RABGAP1: variants seen among roughly 807,000 people sequenced by gnomAD.
RABGAP1 encodes the protein rab GTPase-activating protein 1.
In RABGAP1, 23 loss-of-function variants were observed where a neutral mutation model predicts 137.6. The ratio of observed to expected loss-of-function variants is 0.17; its 90% CI spans 0.12 to 0.24. RABGAP1 has a LOEUF of 0.24. Ranked by LOEUF, RABGAP1 falls within the 10% of genes least tolerant of loss-of-function variation. RABGAP1 has a pLI of 1.00. For missense variants in RABGAP1, 906 were observed against 1,275.8 expected (o/e 0.71, Z 4.42); for synonymous variants, 451 against 450.7 (o/e 1.00, Z -0.01).
intron 21 of RABGAP1, among the ~76,000 whole-genome samples, chr9:123,094,750 C>G (rs898700402): frequency 7.9e-5 from 12 of 152,092 alleles, no homozygotes; most frequent in Non-Finnish European, 1.6e-4. Flanking sequence ...CTAGTGAAGT[C>G]ACGCAGACCT....
intron 24 of RABGAP1, 108 bp from the exon 25 acceptor site, chr9:123,101,458 T>C (rs2035342204): frequency 9.3e-7 from 1 of 1,071,372 alleles, no homozygotes; most frequent in Non-Finnish European, 1.3e-6. Context: ...GAAACTGTAG[T>C]GCTCAACAGA....
intron 12 of RABGAP1, among the ~76,000 whole-genome samples, chr9:123,018,084 C>G (rs1269803858): frequency 6.6e-6 from 1 of 152,098 alleles, no homozygotes; most frequent in Non-Finnish European, 1.5e-5. Flanking sequence ...GGCTCTGCCC[C>G]CCGGGGTTCA....
At chr9:123,046,025 G>A (rs2033191310) in intron 13 of RABGAP1, among the ~76,000 whole-genome samples, 1 of 152,222 alleles carries the variant, frequency 6.6e-6, no homozygotes, top group African/African-American at 2.4e-5. Context: ...GGGTGAATGT[G>A]GAGTGGCCTG....
In RABGAP1 at chr9:122,989,381, T is replaced by C; in HGVS notation, c.675T>C (p.Thr225=). The change falls in exon 5 of 26, where the codon ACT becomes ACC. Residue 225 remains threonine (T), a synonymous_variant. Coordinates refer to ENST00000373647, the MANE Select transcript of RABGAP1 (RefSeq NM_012197.4). The stretch of plus-strand genomic sequence containing the variant: ...TCTGTGTCAGAGGGCATGATGGAAC[T>C]CCTGAGAGTGACTGTTTTGCTTTCA... ...ILFCVRGHDG[T]PESDCFAFTE... 6.2e-7 allele frequency: 1 copy of C among 1,614,030 alleles called. No homozygotes were observed. The highest frequency in any genetic ancestry group is 8.5e-7 in the Non-Finnish European group (1 of 1,179,946).
chr9:123,044,597 G>A (rs746024273), intron 13 of RABGAP1, among the ~76,000 whole-genome samples: 6 of 151,500 alleles, frequency 4.0e-5, no homozygotes, highest in Admixed American at 6.6e-5. Context: ...CTTTGACATC[G>A]TGGGAAGGAA....
At position 122,966,707 on chromosome 9, in the gene RABGAP1, C is replaced by T. The variant is rs117216184; in HGVS notation, c.150+9498C>T. Among the ~76,000 whole-genome samples the T allele has an allele frequency of 6.6e-5, 10 of 152,104 alleles. No homozygotes were observed. The East Asian group carries it at 1.4e-3, about 21-fold the overall frequency. Reference sequence around the variant, plus strand: ...AGAACTCTTGAGATATAAGAAAACCCGGGTGTATTACTTCGTTTTCACACT... The same window carrying T: ...AGAACTCTTGAGATATAAGAAAACCTGGGTGTATTACTTCGTTTTCACACT... On this transcript the variant is annotated intron_variant, in intron 2 of 25. Coordinates refer to ENST00000373647, the MANE Select transcript of RABGAP1 (RefSeq NM_012197.4).
chr9:123,029,801 T>A (rs2032198780), intron 13 of RABGAP1: 4 of 478,856 alleles, frequency 8.4e-6, no homozygotes, highest in South Asian at 5.6e-5. Context: ...TGCTAAGATG[T>A]CAGACAAAAA....
intron 21 of RABGAP1, among the ~76,000 whole-genome samples, chr9:123,097,120 C>T (rs769220675): frequency 2.6e-5 from 4 of 152,102 alleles, no homozygotes; most frequent in Admixed American, 6.5e-5. Flanking sequence ...ACCAGGAACT[C>T]GTATGTCAGG....
At chr9:122,984,371 G>A in intron 2 of RABGAP1, 114 bp from the exon 3 acceptor site, 1 of 864,384 alleles carries the variant, frequency 1.2e-6, no homozygotes, top group Non-Finnish European at 1.8e-6. Flanking sequence ...ACATTCAGAA[G>A]ATATCTTTGT....
At chr9:123,004,146 C>T (rs1333987661) in intron 10 of RABGAP1, among the ~76,000 whole-genome samples, 2 of 152,110 alleles carry the variant, frequency 1.3e-5, no homozygotes, top group African/African-American at 4.8e-5. Flanking sequence ...TAGGTTGTTC[C>T]AGTATTTCTG....
chr9:123,033,595 T>G (rs536921854), intron 13 of RABGAP1: 2 of 152,146 alleles, frequency 1.3e-5, no homozygotes, highest in Non-Finnish European at 1.5e-5. Flanking sequence ...AGCCCCCTCT[T>G]CTCCCTGTTT....
At chr9:122,962,475 C>G (rs191341566) in intron 2 of RABGAP1, among the ~76,000 whole-genome samples, 134 of 151,726 alleles carry the variant, frequency 8.8e-4, no homozygotes, top group African/African-American at 2.9e-3. Flanking sequence ...GAGCCATGGT[C>G]ACACCACTGC....
intron 6 of RABGAP1, 112 bp downstream of exon 6, chr9:122,990,325 A>G: frequency 1.1e-6 from 1 of 920,920 alleles, no homozygotes; most frequent in Non-Finnish European, 1.5e-6. Flanking sequence ...GAGGGCTTTT[A>G]AAAAAAATCT....
At chr9:123,101,315 C>T (rs1211077288) in intron 24 of RABGAP1, among the ~76,000 whole-genome samples, 1 of 152,168 alleles carries the variant, frequency 6.6e-6, no homozygotes, top group Non-Finnish European at 1.5e-5. Context: ...GTTACAGCTT[C>T]ATTTTTCAGC....
chr9:123,028,117 G>T (rs1277719712), intron 13 of RABGAP1, among the ~76,000 whole-genome samples: 4 of 152,176 alleles, frequency 2.6e-5, no homozygotes, highest in Non-Finnish European at 4.4e-5. Context: ...CCACAAATAG[G>T]CAATTTCATA....
chr9:123,061,256 C>G (rs569183768), intron 13 of RABGAP1, among the ~76,000 whole-genome samples: 1 of 152,102 alleles, frequency 6.6e-6, no homozygotes, highest in Non-Finnish European at 1.5e-5. Flanking sequence ...ATAGCTAAGA[C>G]AGGTGTATGC....
At chr9:122,968,456 C>G (rs931978270) in intron 2 of RABGAP1, among the ~76,000 whole-genome samples, 6 of 152,072 alleles carry the variant, frequency 3.9e-5, no homozygotes, top group African/African-American at 1.4e-4. Context: ...TTCGTGGCCT[C>G]AAGTAATCTG....
At chr9:122,977,557 T>G (rs1048516390) in intron 2 of RABGAP1, among the ~76,000 whole-genome samples, 2 of 151,930 alleles carry the variant, frequency 1.3e-5, no homozygotes, top group African/African-American at 4.8e-5. Context: ...AATACAAAAA[T>G]CAGCTGGGCG....
intron 13 of RABGAP1, among the ~76,000 whole-genome samples, chr9:123,024,814 C>A (rs1167264497): frequency 6.6e-6 from 1 of 152,154 alleles, no homozygotes; most frequent in Non-Finnish European, 1.5e-5. Flanking sequence ...GTTCTTTGTA[C>A]ATTTATCTAT....
Sources: allele counts gnomAD v4.1 joint callset (sites outside exome capture counted in the v4.1 genomes callset), GRCh38; gene constraint gnomAD v4.1.1; transcripts MANE v1.5; gene names NCBI Gene and HGNC (gene_info 2026-07-23, HGNC 2026-07-21).